Variants in TBXA2R observed in about 807,000 individuals in gnomAD.
TBXA2R encodes thromboxane A2 receptor, also known as prostanoid TP receptor.
TBXA2R carries 15 observed loss-of-function variants against 15.6 expected under a neutral mutation model. The observed-to-expected ratio is 0.96, with a 90% confidence interval of 0.64 to 1.48. TBXA2R has a LOEUF of 1.48. TBXA2R is among the 40% of genes most tolerant of loss of function. The pLI is 0.00. For synonymous variants in TBXA2R, 280 were observed against 241.2 expected, an observed-to-expected ratio of 1.16 and a Z score of -1.49; for missense variants, 506 against 491.4, an observed-to-expected ratio of 1.03 and a Z score of -0.28.
rs201563283 is a variant in TBXA2R, at chr19:3,600,825, G to GTTTTTT, written c.-83-109_-83-108insAAAAAA. The GTTTTTT allele has an allele frequency of 1.1e-3, 478 of 454,546 alleles. 30 individuals are homozygous for GTTTTTT. The African/African-American group carries it at 0.011, about 11-fold the overall frequency. The allele number at this position is 454,546 out of a possible 1,614,324, so 28.2% of individuals were successfully genotyped here. A position where few individuals can be genotyped will look rare whatever the true frequency, so the allele number is the denominator to read the frequency against. ...ATGCCCCAGCTCAAATATCCTCTCCGGTTTTTTTTTTTTTTTTTTTTGAGA... is the reference window on the plus strand; with the variant it reads ...ATGCCCCAGCTCAAATATCCTCTCCGTTTTTTGTTTTTTTTTTTTTTTTTTTTGAGA... On this transcript the variant is annotated intron_variant, in intron 1 of 2. Coordinates refer to ENST00000375190, the MANE Select transcript of TBXA2R (RefSeq NM_001060.6).
chr19:3,602,245 C>T (rs1005027876), intron 1 of TBXA2R, among the ~76,000 whole-genome samples: 1 of 152,022 alleles, frequency 6.6e-6, no homozygotes, highest in Non-Finnish European at 1.5e-5. Flanking sequence ...ACAAAACCAG[C>T]TCCCCATACC....
chr19:3,596,721 A>G (rs1170169737), intron 2 of TBXA2R, among the ~76,000 whole-genome samples: 1 of 149,214 alleles, frequency 6.7e-6, no homozygotes, highest in East Asian at 2.0e-4. Flanking sequence ...AGCTGGGACT[A>G]CAGGCGCCCA....
chr19:3,603,210 C>A lies in TBXA2R; in HGVS notation c.-83-2493G>T, dbSNP rs78499853. Reference sequence around the variant, plus strand: ...GTCAAATGGGTGACTGTGGCCCTCACTCCCCATCTCACTTGTGACGCTTTG... The same window carrying A: ...GTCAAATGGGTGACTGTGGCCCTCAATCCCCATCTCACTTGTGACGCTTTG... On this transcript the variant is annotated intron_variant, in intron 1 of 2. Transcript: ENST00000375190. 7.5e-3 allele frequency among the ~76,000 whole-genome samples: 1,145 copies of A among 152,344 alleles called. 9 individuals are homozygous for A. Among genetic ancestry groups the A allele is most frequent in the Non-Finnish European group, 0.014 (919 of 68,032 alleles).
chr19:3,599,388 G>A (rs2032668086), intron 2 of TBXA2R, among the ~76,000 whole-genome samples: 1 of 150,240 alleles, frequency 6.7e-6, no homozygotes, highest in African/African-American at 2.5e-5. Context: ...GGAGTGCAGT[G>A]GCGCAATCTC....
At chr19:3,605,203 C>T (rs1025870950) in intron 1 of TBXA2R, among the ~76,000 whole-genome samples, 6 of 152,204 alleles carry the variant, frequency 3.9e-5, no homozygotes, top group South Asian at 2.1e-4. Context: ...GGAGCATGTA[C>T]GGAGCTCCGT....
In TBXA2R at chr19:3,604,915, C is replaced by T. The variant is rs1035854549; in HGVS notation, c.-84+1615G>A. Among the ~76,000 whole-genome samples, 8 of 152,304 alleles carry T rather than the reference C, an allele frequency of 5.3e-5. No homozygotes were observed. The South Asian group carries it at 1.7e-3, about 32-fold the overall frequency. On this transcript the variant is annotated intron_variant, in intron 1 of 2. Transcript: ENST00000375190. Reference sequence around the variant, plus strand: ...AACTTCAGGGACCGGCCAGACCCTCCCATGCCTGCTGTAGATCTGAACGCT... The same window carrying T: ...AACTTCAGGGACCGGCCAGACCCTCTCATGCCTGCTGTAGATCTGAACGCT...
intron 2 of TBXA2R, among the ~76,000 whole-genome samples, chr19:3,598,636 GCCACCGTGGC>G (rs1226564786): frequency 1.3e-5 from 2 of 151,156 alleles, no homozygotes; most frequent in East Asian, 3.9e-4. Flanking sequence ...ACAGACATGA[GCCACCGTGGC>G]TGGCCTGTTT....
At chr19:3,599,486 C>T (rs1041648722) in intron 2 of TBXA2R, among the ~76,000 whole-genome samples, 1 of 152,164 alleles carries the variant, frequency 6.6e-6, no homozygotes, top group Non-Finnish European at 1.5e-5. Flanking sequence ...CCTGCCACCA[C>T]GCCTGGCTAA....
chr19:3,604,436 A>G lies in TBXA2R; in HGVS notation c.-84+2094T>C, dbSNP rs371776190. On this transcript the variant is annotated intron_variant, in intron 1 of 2. Transcript: ENST00000375190. ...CAGTGGAATGTGATCCTTGGTTCCC[A>G]AACAGCAGGCCTCTCCTCCGCCCCA... is the stretch of plus-strand genomic sequence containing the variant. Among the ~76,000 whole-genome samples the G allele has an allele frequency of 1.9e-3, 285 of 151,932 alleles. 1 individual carries two copies. The highest frequency in any genetic ancestry group is 6.3e-3 in the African/African-American group (260 of 41,400).
At chr19:3,598,456 T>C (rs2032646357) in intron 2 of TBXA2R, among the ~76,000 whole-genome samples, 2 of 147,520 alleles carry the variant, frequency 1.4e-5, no homozygotes. Flanking sequence ...GCTCAAGCAA[T>C]TCTCATGCCT....
rs534696521 is a variant in TBXA2R at position 3,595,966 on chromosome 19, C to G, written c.787-33G>C. 4.5e-6 allele frequency: 7 copies of G among 1,564,588 alleles called. No individual in the cohort carries two copies. The South Asian group carries it at 7.0e-5, about 16-fold the overall frequency. ...GGGGAGAGCTGTCAGCCTGGGCCCC[C>G]GCCTCCAGCCCCGCCCGCCCCGGTC... is the stretch of plus-strand genomic sequence containing the variant. On this transcript the variant is annotated intron_variant, in intron 2 of 2. Transcript: ENST00000375190.
At position 3,600,763 on chromosome 19, in the gene TBXA2R, G is replaced by C. The variant is rs927790076; in HGVS notation, c.-83-46C>G. ...TGCTTGTGATTAATTCTGCATTTCA[G>C]TGTAAGTAGCTCTGGTGAACTCCTA... On this transcript the variant is annotated intron_variant, in intron 1 of 2. Transcript: ENST00000375190. The C allele has an allele frequency of 3.8e-6, 4 of 1,050,360 alleles. No homozygotes were observed. The African/African-American group carries it at 4.8e-5, about 13-fold the overall frequency. The allele number at this position is 1,050,360 out of a possible 1,614,324, so 65.1% of individuals were successfully genotyped here.
In TBXA2R at chr19:3,594,676, CCT is replaced by C; in HGVS notation, c.*1010_*1011del. ...AAACAAGGTGGGGGAGGAACCGAAT[CCT>C]CTATGTCCCTCCCCATCCTTCCCAG... On this transcript the variant is annotated 3_prime_UTR_variant, in exon 3 of 3. Transcript: ENST00000375190. The C allele has an allele frequency of 1.7e-6, 1 of 583,538 alleles. No individual in the cohort carries two copies. The highest frequency in any genetic ancestry group is 2.2e-5 in the South Asian group (1 of 45,438). The allele number at this position is 583,538 out of a possible 1,614,324, so 36.1% of individuals were successfully genotyped here.
intron 1 of TBXA2R, among the ~76,000 whole-genome samples, chr19:3,602,585 C>G (rs977654180): frequency 6.6e-6 from 1 of 151,358 alleles, no homozygotes; most frequent in East Asian, 2.0e-4. Flanking sequence ...AATAAAAATA[C>G]AAAAATTAGC....
At chr19:3,597,652 G>A in intron 2 of TBXA2R, among the ~76,000 whole-genome samples, 1 of 151,598 alleles carries the variant, frequency 6.6e-6, no homozygotes, top group East Asian at 1.9e-4. Flanking sequence ...AAATAATTTG[G>A]CCGGGTGCGG....
intron 1 of TBXA2R, among the ~76,000 whole-genome samples, chr19:3,601,001 G>T (rs34589177): frequency 6.6e-6 from 1 of 151,502 alleles, no homozygotes; most frequent in Non-Finnish European, 1.5e-5. Flanking sequence ...TAGTCCTCCC[G>T]CCTCGGCCTC....
rs1489096225 is a variant in TBXA2R, at chr19:3,595,129, A to G, written c.*559T>C. ...TGTGGTGGTTCATGCCTGTGATCCC[A>G]GCACTTTGGGAGGCTGAGGCTGGTG... On this transcript the variant is annotated 3_prime_UTR_variant, in exon 3 of 3. Coordinates refer to ENST00000375190, the MANE Select transcript of TBXA2R (RefSeq NM_001060.6). The G allele has an allele frequency of 7.5e-6, 5 of 669,206 alleles. No individual in the cohort carries two copies. The highest frequency in any genetic ancestry group is 1.2e-5 in the Non-Finnish European group (5 of 409,098). The allele number at this position is 669,206 out of a possible 1,614,324, so 41.5% of individuals were successfully genotyped here. A position where few individuals can be genotyped will look rare whatever the true frequency, so the allele number is the denominator to read the frequency against.
Position 3,599,838 on chromosome 19 carries a change from C to T in TBXA2R, c.786+11G>A, listed in dbSNP as rs1195689138. 1 of 1,548,906 alleles carries T rather than the reference C, an allele frequency of 6.5e-7. No individual in the cohort carries two copies. The highest frequency in any genetic ancestry group is 2.0e-5 in the Admixed American group (1 of 51,002). Reference sequence around the variant, plus strand: ...AGGAGGGTAGCAGGACCCCGCAGAGCCCCTACTCACCAGAAGGGGCAGCCA... The same window carrying T: ...AGGAGGGTAGCAGGACCCCGCAGAGTCCCTACTCACCAGAAGGGGCAGCCA... On this transcript the variant is annotated intron_variant, in intron 2 of 2. Coordinates refer to ENST00000375190, the MANE Select transcript of TBXA2R (RefSeq NM_001060.6).
chr19:3,596,321 C>A (rs942337094), intron 2 of TBXA2R, among the ~76,000 whole-genome samples: 2 of 152,162 alleles, frequency 1.3e-5, no homozygotes, highest in African/African-American at 2.4e-5. Context: ...TGAGCCACTG[C>A]GCCCGGCCAG....
Sources: allele counts gnomAD v4.1 joint callset (sites outside exome capture counted in the v4.1 genomes callset), GRCh38; gene constraint gnomAD v4.1.1; transcripts MANE v1.5; gene names NCBI Gene and HGNC (gene_info 2026-07-23, HGNC 2026-07-21).